Variants in JMJD1C observed in about 807,000 individuals in gnomAD.
JMJD1C encodes the protein jumonji domain containing 1C.
JMJD1C carries 31 observed loss-of-function variants against 245.3 expected under a neutral mutation model. That is an observed-to-expected ratio of 0.13 (90% CI 0.09 to 0.17). The LOEUF (loss-of-function observed/expected upper bound fraction) is 0.17. Among genes scored for constraint, JMJD1C ranks in the 10% least tolerant of loss-of-function variants. The probability of loss-of-function intolerance (pLI) is 1.00; values close to 1 mark genes in which losing one functional copy is unlikely to be tolerated. For synonymous variants in JMJD1C, 1,057 were observed against 1,017.4 expected, an observed-to-expected ratio of 1.04 and a Z score of -0.74; for missense variants, 2,691 against 3,000.2, an observed-to-expected ratio of 0.90 and a Z score of 2.41.
intron 1 of JMJD1C, among the ~76,000 whole-genome samples, chr10:63,451,781 A>G (rs559625827): frequency 1.3e-5 from 2 of 152,150 alleles, no homozygotes; most frequent in Admixed American, 1.3e-4. Flanking sequence ...CCAGAGATAA[A>G]CCCCTGCATA....
chr10:63,374,949 T>C (rs1454458334), intron 2 of JMJD1C, among the ~76,000 whole-genome samples: 2 of 152,166 alleles, frequency 1.3e-5, no homozygotes, highest in African/African-American at 2.4e-5. Flanking sequence ...AAGTATAAGA[T>C]TATATCATCT....
intron 2 of JMJD1C, among the ~76,000 whole-genome samples, chr10:63,312,861 T>C (rs921108385): frequency 1.3e-5 from 2 of 152,238 alleles, no homozygotes; most frequent in East Asian, 1.9e-4. Flanking sequence ...ATTAGTTCTG[T>C]GCCTTTGGAT....
At chr10:63,502,138 T>C (rs1213805326) in intron 1 of JMJD1C, among the ~76,000 whole-genome samples, 1 of 152,190 alleles carries the variant, frequency 6.6e-6, no homozygotes, top group Non-Finnish European at 1.5e-5. Flanking sequence ...GAAAATGGAA[T>C]GCATGAGAGA....
At chr10:63,209,594 A>T (rs1847082125) in intron 8 of JMJD1C, among the ~76,000 whole-genome samples, 1 of 152,226 alleles carries the variant, frequency 6.6e-6, no homozygotes, top group Admixed American at 6.5e-5. Context: ...CAGTAAAAAC[A>T]GAATATTATT....
chr10:63,346,640 C>T (rs1413019742), intron 2 of JMJD1C, among the ~76,000 whole-genome samples: 4 of 152,066 alleles, frequency 2.6e-5, no homozygotes, highest in East Asian at 3.8e-4. Flanking sequence ...TTTTTCTGTC[C>T]GTAAATTCTC....
chr10:63,245,315 G>C lies in JMJD1C; in HGVS notation c.447+19336C>G, dbSNP rs529028398. Among the ~76,000 whole-genome samples the C allele has an allele frequency of 1.6e-3, 243 of 151,930 alleles. 3 individuals are homozygous for C. Among genetic ancestry groups the C allele is most frequent in the Middle Eastern group, 3.4e-3 (1 of 294 alleles). ...AGTCTGTTTTCACACGGCTGATAAAGATATACCCCAGACTGGGCAATTTAC... is the reference window on the plus strand; with the variant it reads ...AGTCTGTTTTCACACGGCTGATAAACATATACCCCAGACTGGGCAATTTAC... On this transcript the variant is annotated intron_variant, in intron 3 of 25. Coordinates refer to ENST00000399262, the MANE Select transcript of JMJD1C (RefSeq NM_032776.3).
intron 9 of JMJD1C, 120 bp downstream of exon 9, chr10:63,208,943 T>A (rs911167300): frequency 9.0e-7 from 1 of 1,105,992 alleles, no homozygotes; most frequent in African/African-American, 1.6e-5. Context: ...TGAAGAAATA[T>A]CAAAACAGAA....
Position 63,215,618 on chromosome 10 carries a change from C to T in JMJD1C, c.757G>A (p.Gly253Ser). The T allele has an allele frequency of 1.2e-6, 2 of 1,611,396 alleles. No individual in the cohort carries two copies. The change falls in exon 6 of 26, where the codon GGT (glycine) becomes AGT (serine). Residue 253 changes from glycine (G) to serine (S), a missense_variant. Coordinates refer to ENST00000399262, the MANE Select transcript of JMJD1C (RefSeq NM_032776.3). ...CGTGATGTAATGCCAATATTTTCAC[C>T]TTTTAACAAAGAGTGAACAACATCA... ...LDDVVHSLLK[G>S]ENIGITSRRR...
intron 1 of JMJD1C, among the ~76,000 whole-genome samples, chr10:63,390,320 T>C (rs979861336): frequency 2.6e-5 from 4 of 152,040 alleles, no homozygotes; most frequent in South Asian, 2.1e-4. Flanking sequence ...ACTACCAAGA[T>C]TGAATCAGGA....
chr10:63,284,544 T>C (rs1484014812), intron 2 of JMJD1C, among the ~76,000 whole-genome samples: 3 of 152,124 alleles, frequency 2.0e-5, no homozygotes, highest in Non-Finnish European at 2.9e-5. Context: ...ACTTCATCCA[T>C]AGGTTCTTGG....
chr10:63,194,578 G>C (rs1845228856), intron 13 of JMJD1C: 8 of 440,372 alleles, frequency 1.8e-5, no homozygotes, highest in Non-Finnish European at 2.4e-5. Flanking sequence ...AGGAAAAACA[G>C]TTCCACCATT....
intron 2 of JMJD1C, among the ~76,000 whole-genome samples, chr10:63,311,862 T>C (rs1450692179): frequency 1.3e-5 from 2 of 150,416 alleles, no homozygotes; most frequent in Non-Finnish European, 2.9e-5. Flanking sequence ...GTAGGCAAAA[T>C]GTTAAGATGA....
intron 1 of JMJD1C, among the ~76,000 whole-genome samples, chr10:63,479,946 TAA>T (rs1953778985): frequency 6.6e-6 from 1 of 152,200 alleles, no homozygotes; most frequent in Non-Finnish European, 1.5e-5. Flanking sequence ...TTGAGAAGAC[TAA>T]ATATTATCAG....
In JMJD1C at chr10:63,281,458, C is replaced by CTTTTTT. The variant is rs71025144; in HGVS notation, c.334-16700_334-16695dup. On this transcript the variant is annotated intron_variant, in intron 2 of 25. Transcript: ENST00000399262. ...ACAGGCGTGAGCCACTGCGCCTGGC[C>CTTTTTT]TTTTTTTTTTTTTTTTTTTTTTTTT... 1.7e-4 allele frequency among the ~76,000 whole-genome samples: 11 copies of CTTTTTT among 65,390 alleles called. 3 individuals carry two copies. Among genetic ancestry groups the CTTTTTT allele is most frequent in the African/African-American group, 7.7e-4 (11 of 14,210 alleles). The allele number at this position is 65,390 out of a possible 152,430, so 42.9% of individuals were successfully genotyped here.
At chr10:63,329,577 A>G (rs1941921465) in intron 2 of JMJD1C, among the ~76,000 whole-genome samples, 1 of 152,108 alleles carries the variant, frequency 6.6e-6, no homozygotes, top group Non-Finnish European at 1.5e-5. Context: ...GCAACAATAC[A>G]CTAACTTGAC....
intron 3 of JMJD1C, among the ~76,000 whole-genome samples, chr10:63,224,920 G>C (rs1206655762): frequency 6.6e-6 from 1 of 151,968 alleles, no homozygotes; most frequent in African/African-American, 2.4e-5. Flanking sequence ...AACCTAGCTG[G>C]GTGTGGTGGT....
intron 1 of JMJD1C, among the ~76,000 whole-genome samples, chr10:63,457,978 A>C (rs372499710): frequency 6.6e-6 from 1 of 152,224 alleles, no homozygotes; most frequent in South Asian, 2.1e-4. Context: ...GTTCTACAAT[A>C]TAAGATAAAT....
intron 1 of JMJD1C, among the ~76,000 whole-genome samples, chr10:63,433,392 G>A (rs535726256): frequency 1.4e-4 from 21 of 152,072 alleles, no homozygotes; most frequent in South Asian, 2.1e-4. Flanking sequence ...CACCGCGCCC[G>A]GCCTAAGGGA....
intron 16 of JMJD1C, among the ~76,000 whole-genome samples, chr10:63,191,739 C>G (rs557143891): frequency 9.9e-5 from 15 of 152,128 alleles, no homozygotes; most frequent in African/African-American, 3.6e-4. Flanking sequence ...AATCCCAGCA[C>G]TTTGAGAGGC....
Sources: allele counts gnomAD v4.1 joint callset (sites outside exome capture counted in the v4.1 genomes callset), GRCh38; gene constraint gnomAD v4.1.1; transcripts MANE v1.5; gene names NCBI Gene and HGNC (gene_info 2026-07-23, HGNC 2026-07-21).